Variants in NOX3 observed in about 807,000 individuals in gnomAD.
NOX3 encodes the protein NADPH oxidase catalytic subunit-like 3.
A neutral mutation model predicts 76.7 loss-of-function variants in NOX3; 74 were observed. The observed-to-expected ratio is 0.96, with a 90% CI of 0.80 to 1.17. The LOEUF is 1.17. Among genes scored for constraint, NOX3 ranks in the 50% most tolerant of loss-of-function variants. The pLI, the probability that NOX3 is intolerant of heterozygous loss-of-function variation, is 0.00. For missense variants in NOX3, 695 were observed against 703.3 expected (o/e 0.99, Z 0.13); for synonymous variants, 263 against 261.1 (o/e 1.01, Z -0.07).
chr6:155,408,230 C>T (rs560844169), intron 11 of NOX3, among the ~76,000 whole-genome samples: 23 of 152,312 alleles, frequency 1.5e-4, no homozygotes, highest in African/African-American at 5.1e-4. Context: ...TCATGATCCA[C>T]CCGCCTTGGC....
At position 155,447,059 on chromosome 6, in the gene NOX3, T is replaced by G. The variant is rs568805038; in HGVS notation, c.341-3641A>C. Among the ~76,000 whole-genome samples the G allele has an allele frequency of 3.9e-5, 6 of 151,980 alleles. No individual in the cohort carries two copies. The South Asian group carries it at 1.0e-3, about 26-fold the overall frequency. On this transcript the variant is annotated intron_variant, in intron 4 of 13. Coordinates refer to ENST00000159060, the MANE Select transcript of NOX3 (RefSeq NM_015718.3). ...TTTATATTTTATAACTTTTTTTTTT[T>G]TTTTGAGACAGAGTCTCCCTCTGTC... is the stretch of plus-strand genomic sequence containing the variant.
chr6:155,429,256 G>A (rs1776800496), intron 8 of NOX3, among the ~76,000 whole-genome samples: 1 of 152,224 alleles, frequency 6.6e-6, no homozygotes, highest in Admixed American at 6.5e-5. Context: ...CTCCTTCAGA[G>A]GGTGGCATTT....
intron 10 of NOX3, among the ~76,000 whole-genome samples, chr6:155,414,864 G>C (rs561460223): frequency 6.6e-6 from 1 of 152,156 alleles, no homozygotes; most frequent in South Asian, 2.1e-4. Flanking sequence ...CTGACCTCAA[G>C]TGATCCACCC....
chr6:155,435,383 G>A (rs1421344016), intron 7 of NOX3, among the ~76,000 whole-genome samples: 1 of 152,086 alleles, frequency 6.6e-6, no homozygotes, highest in Admixed American at 6.5e-5. Context: ...TGAGAGTTGA[G>A]TTTAAGACAG....
At chr6:155,432,150 T>G (rs1776842970) in intron 7 of NOX3, among the ~76,000 whole-genome samples, 1 of 152,088 alleles carries the variant, frequency 6.6e-6, no homozygotes, top group Non-Finnish European at 1.5e-5. Flanking sequence ...TGTATCATGA[T>G]AAGGTCAGGG....
chr6:155,398,400 G>C (rs162999), intron 12 of NOX3, among the ~76,000 whole-genome samples: 1 of 151,876 alleles, frequency 6.6e-6, no homozygotes, highest in Admixed American at 6.6e-5. Flanking sequence ...AGTGCCTATA[G>C]AGCCTAGTTC....
intron 10 of NOX3, among the ~76,000 whole-genome samples, chr6:155,412,814 C>A (rs1169320723): frequency 6.6e-6 from 1 of 152,180 alleles, no homozygotes; most frequent in Non-Finnish European, 1.5e-5. Flanking sequence ...CCAGACTCTT[C>A]TGTGCTCTGG....
At chr6:155,451,278 C>G (rs544737262) in intron 4 of NOX3, among the ~76,000 whole-genome samples, 1 of 152,118 alleles carries the variant, frequency 6.6e-6, no homozygotes, top group African/African-American at 2.4e-5. Context: ...CACGCCCGGC[C>G]TGTATTAGTA....
chr6:155,408,948 C>CA (rs1346468801), intron 11 of NOX3, among the ~76,000 whole-genome samples: 1 of 141,488 alleles, frequency 7.1e-6, no homozygotes, highest in African/African-American at 2.7e-5. Context: ...CTGGGGGCTC[C>CA]AAAAGGGGGG....
chr6:155,429,100 C>T, intron 8 of NOX3, 53 bp from the exon 9 acceptor site: 2 of 1,448,386 alleles, frequency 1.4e-6, no homozygotes, highest in Non-Finnish European at 1.8e-6. Context: ...AATAAAGAAA[C>T]ACCTTTCATT....
At chr6:155,418,111 A>C (rs1478518128) in intron 10 of NOX3, among the ~76,000 whole-genome samples, 1 of 152,206 alleles carries the variant, frequency 6.6e-6, no homozygotes, top group Non-Finnish European at 1.5e-5. Flanking sequence ...ATTAGGGAGA[A>C]CTAAAATGTG....
intron 11 of NOX3, 82 bp downstream of exon 11, chr6:155,411,132 A>T: frequency 8.3e-7 from 1 of 1,204,232 alleles, no homozygotes; most frequent in Non-Finnish European, 1.2e-6. Context: ...TCAGAGTGCT[A>T]CATAGCTCAT....
intron 4 of NOX3, among the ~76,000 whole-genome samples, chr6:155,447,220 A>G (rs1777076664): frequency 6.6e-6 from 1 of 151,978 alleles, no homozygotes; most frequent in Non-Finnish European, 1.5e-5. Flanking sequence ...AATTTTTAGT[A>G]GAGATGGGGT....
At chr6:155,452,745 G>C (rs1777163994) in intron 4 of NOX3, among the ~76,000 whole-genome samples, 1 of 152,050 alleles carries the variant, frequency 6.6e-6, no homozygotes, top group Non-Finnish European at 1.5e-5. Context: ...CGCTCAGATA[G>C]CCTTTTATTT....
chr6:155,450,672 C>T, intron 4 of NOX3, among the ~76,000 whole-genome samples: 1 of 152,188 alleles, frequency 6.6e-6, no homozygotes, highest in East Asian at 1.9e-4. Flanking sequence ...GGCCATATCT[C>T]ACCCATTTAG....
chr6:155,397,697 TA>T (rs1779157720), intron 12 of NOX3, among the ~76,000 whole-genome samples: 1 of 152,214 alleles, frequency 6.6e-6, no homozygotes. Context: ...AAAAGGGTTT[TA>T]AAAAGGTTAG....
intron 10 of NOX3, among the ~76,000 whole-genome samples, chr6:155,413,369 G>A (rs1582930635): frequency 6.6e-6 from 1 of 152,138 alleles, no homozygotes; most frequent in East Asian, 1.9e-4. Context: ...GGGGAGCCAT[G>A]GCGTTGTAGG....
At chr6:155,454,678 G>A in intron 3 of NOX3, 133 bp downstream of exon 3, 1 of 601,166 alleles carries the variant, frequency 1.7e-6, no homozygotes, top group East Asian at 3.0e-5. Flanking sequence ...TAGCCTTTCT[G>A]TTATCTCTAA....
At chr6:155,420,636 T>G (rs1776677492) in intron 10 of NOX3, among the ~76,000 whole-genome samples, 1 of 152,202 alleles carries the variant, frequency 6.6e-6, no homozygotes, top group Non-Finnish European at 1.5e-5. Flanking sequence ...AATGAGCTAT[T>G]ATGAGCATTT....
Sources: allele counts gnomAD v4.1 joint callset (sites outside exome capture counted in the v4.1 genomes callset), GRCh38; gene constraint gnomAD v4.1.1; transcripts MANE v1.5; gene names NCBI Gene and HGNC (gene_info 2026-07-23, HGNC 2026-07-21).